Variants in CACNA2D3 observed in about 807,000 individuals in gnomAD.
The protein encoded by CACNA2D3 is calcium voltage-gated channel auxiliary subunit alpha2delta 3.
In CACNA2D3, 60 loss-of-function variants were observed where a neutral mutation model predicts 160.6. The ratio of observed to expected loss-of-function variants is 0.37; its 90% confidence interval spans 0.30 to 0.46. The LOEUF (loss-of-function observed/expected upper bound fraction) is 0.46, where lower values mean the gene tolerates loss of function less well. CACNA2D3 is among the 20% of genes least tolerant of loss of function. The probability of loss-of-function intolerance (pLI) is 1.00; values close to 1 mark genes in which losing one functional copy is unlikely to be tolerated. For synonymous variants in CACNA2D3, 558 were observed against 492.9 expected (o/e 1.13, Z -1.75); for missense variants, 1,205 against 1,365.0 (o/e 0.88, Z 1.85).
At chr3:54,370,467 A>ATATG (rs1553638648) in intron 3 of CACNA2D3, among the ~76,000 whole-genome samples, 27 of 152,370 alleles carry the variant, frequency 1.8e-4, no homozygotes, top group African/African-American at 6.5e-4. Flanking sequence ...TCCAATCCAT[A>ATATG]TATAAGGAAT....
chr3:54,517,609 A>G (rs1224707007), intron 5 of CACNA2D3, among the ~76,000 whole-genome samples: 2 of 151,420 alleles, frequency 1.3e-5, no homozygotes, highest in Non-Finnish European at 3.0e-5. Flanking sequence ...TCCTTCAACT[A>G]CAATATAACG....
chr3:54,163,990 T>G (rs1359346761), intron 2 of CACNA2D3, among the ~76,000 whole-genome samples: 5 of 152,202 alleles, frequency 3.3e-5, no homozygotes, highest in Admixed American at 3.3e-4. Flanking sequence ...AGCAGCCCAC[T>G]GCAGGTACCT....
At chr3:55,033,012 AT>A (rs1257266880) in intron 35 of CACNA2D3, among the ~76,000 whole-genome samples, 2 of 152,084 alleles carry the variant, frequency 1.3e-5, no homozygotes, top group East Asian at 3.9e-4. Context: ...TTTGTGTGAT[AT>A]TTAAAAACAA....
intron 11 of CACNA2D3, among the ~76,000 whole-genome samples, chr3:54,696,297 C>G (rs905130822): frequency 2.6e-5 from 4 of 152,122 alleles, no homozygotes; most frequent in Non-Finnish European, 4.4e-5. Flanking sequence ...GCTGGAAGGT[C>G]CCCCCATTCC....
intron 3 of CACNA2D3, among the ~76,000 whole-genome samples, chr3:54,382,415 G>A (rs1699118300): frequency 6.6e-6 from 1 of 152,182 alleles, no homozygotes; most frequent in African/African-American, 2.4e-5. Context: ...CTTTCTATTG[G>A]CAAGCATCAG....
chr3:54,995,006 T>C (rs1336960249), intron 31 of CACNA2D3, among the ~76,000 whole-genome samples: 1 of 152,164 alleles, frequency 6.6e-6, no homozygotes, highest in Non-Finnish European at 1.5e-5. Flanking sequence ...GGAGTTTCGC[T>C]CTTGTCACCC....
chr3:54,562,746 T>G (rs901785178), intron 5 of CACNA2D3, 54 bp from the exon 6 acceptor site: 1 of 1,534,680 alleles, frequency 6.5e-7, no homozygotes, highest in African/African-American at 1.4e-5. Flanking sequence ...TGCCAGGAAT[T>G]TTATTTCACT....
intron 4 of CACNA2D3, among the ~76,000 whole-genome samples, chr3:54,455,485 G>A (rs921178323): frequency 3.3e-5 from 5 of 151,948 alleles, no homozygotes; most frequent in South Asian, 2.1e-4. Context: ...CATTTTAGAC[G>A]AGTAGTTTGC....
At chr3:54,632,085 A>G (rs762426112) in intron 10 of CACNA2D3, 5 of 152,220 alleles carry the variant, frequency 3.3e-5, no homozygotes, top group East Asian at 3.8e-4. Context: ...TCGCTATTCA[A>G]TAAAGAAAAG....
chr3:54,625,150 A>G (rs1699069560), intron 9 of CACNA2D3, among the ~76,000 whole-genome samples: 3 of 151,824 alleles, frequency 2.0e-5, no homozygotes. Flanking sequence ...CTCCCCCATC[A>G]CTCAAGCCAT....
intron 4 of CACNA2D3, among the ~76,000 whole-genome samples, chr3:54,415,758 C>T (rs1464301426): frequency 6.6e-6 from 1 of 152,084 alleles, no homozygotes; most frequent in Non-Finnish European, 1.5e-5. Context: ...GATTGAGAGG[C>T]CAAGTGATGG....
intron 11 of CACNA2D3, among the ~76,000 whole-genome samples, chr3:54,730,413 A>G (rs1239953280): frequency 6.6e-6 from 1 of 152,224 alleles, no homozygotes; most frequent in East Asian, 1.9e-4. Flanking sequence ...GCATGCAGAT[A>G]TGGAAGCCTA....
Position 54,691,811 on chromosome 3 carries a change from C to T in CACNA2D3, c.1167+49570C>T, listed in dbSNP as rs116127911. ...TAAAATGTTCACATTTGCAGTATTT[C>T]ATTTATTTGTCTTTTCAGCTTCAGG... On this transcript the variant is annotated intron_variant, in intron 11 of 37. Transcript: ENST00000474759. Among the ~76,000 whole-genome samples, 852 of 152,166 alleles carry T rather than the reference C, an allele frequency of 5.6e-3. 10 individuals carry two copies. The highest frequency in any genetic ancestry group is 0.019 in the African/African-American group (804 of 41,498).
Position 54,122,656 on chromosome 3 carries a change from C to G in CACNA2D3, c.-58C>G, listed in dbSNP as rs1158146381. 4.9e-5 allele frequency: 49 copies of G among 999,996 alleles called. No individual in the cohort carries two copies. The highest frequency in any genetic ancestry group is 5.8e-5 in the Non-Finnish European group (49 of 841,080). 61.9% of individuals were successfully genotyped at this position (999,996 alleles called of 1,614,324 possible). ...GCGCTCGCCCACCGCCCGCTCCGCG[C>G]AGCTCCCCGCGGCCGCTCTCGTCGC... On this transcript the variant is annotated 5_prime_UTR_variant, in exon 1 of 38. Transcript: ENST00000474759.
At chr3:54,505,327 A>G (rs577579309) in intron 5 of CACNA2D3, among the ~76,000 whole-genome samples, 1 of 152,232 alleles carries the variant, frequency 6.6e-6, no homozygotes, top group Non-Finnish European at 1.5e-5. Context: ...GGACAGTGGG[A>G]GTGCCAAGGA....
At chr3:55,051,243 T>C (rs1704200283) in intron 35 of CACNA2D3, among the ~76,000 whole-genome samples, 2 of 152,192 alleles carry the variant, frequency 1.3e-5, no homozygotes, top group African/African-American at 4.8e-5. Flanking sequence ...TTTTATCTAC[T>C]TTTGGTCTTT....
At chr3:54,572,931 T>C (rs1237863494) in intron 8 of CACNA2D3, among the ~76,000 whole-genome samples, 2 of 152,208 alleles carry the variant, frequency 1.3e-5, no homozygotes, top group South Asian at 2.1e-4. Flanking sequence ...AACCAATCGA[T>C]TGAAATAATC....
At chr3:54,475,086 T>G (rs6445670) in intron 4 of CACNA2D3, among the ~76,000 whole-genome samples, 150,953 of 152,326 alleles carry the variant, frequency 0.99, 74,808 homozygotes, top group Middle Eastern at 1. Context: ...ACCTTGCACA[T>G]TGCGTCAAGT....
At chr3:54,949,773 A>C (rs1035269641) in intron 27 of CACNA2D3, among the ~76,000 whole-genome samples, 2 of 150,690 alleles carry the variant, frequency 1.3e-5, no homozygotes, top group East Asian at 4.0e-4. Context: ...CCACAGATAG[A>C]TGCATCCTTA....
Sources: gnomAD v4.1 joint callset for allele counts (sites outside exome capture counted in the v4.1 genomes callset) on GRCh38, gnomAD v4.1.1 for gene constraint, MANE v1.5 for transcripts, NCBI Gene and HGNC (gene_info 2026-07-23, HGNC 2026-07-21) for gene names.